BICDL1: variants seen among roughly 807,000 people sequenced by gnomAD.
BICDL1 encodes the protein BICD family-like cargo adapter 1.
In BICDL1, 20 loss-of-function variants were observed where a neutral mutation model predicts 76.8. The observed-to-expected ratio is 0.26, with a 90% CI of 0.18 to 0.38. BICDL1 has a LOEUF of 0.38. Among genes scored for constraint, BICDL1 ranks in the 10% least tolerant of loss-of-function variants. The pLI, the probability that BICDL1 is intolerant of heterozygous loss-of-function variation, is 1.00. For missense variants in BICDL1, 700 were observed against 798.6 expected, an observed-to-expected ratio of 0.88 and a Z score of 1.49; for synonymous variants, 383 against 337.1, an observed-to-expected ratio of 1.14 and a Z score of -1.49.
intron 1 of BICDL1, among the ~76,000 whole-genome samples, chr12:119,991,390 C>T (rs1951520074): frequency 6.6e-6 from 1 of 152,060 alleles, no homozygotes; most frequent in Non-Finnish European, 1.5e-5. Flanking sequence ...TTAAGTATGC[C>T]TATAGTCCAG....
intron 8 of BICDL1, among the ~76,000 whole-genome samples, chr12:120,089,300 GTGT>G (rs1429655460): frequency 4.7e-5 from 6 of 127,582 alleles, no homozygotes; most frequent in East Asian, 2.6e-4. Flanking sequence ...ATGTGTGTGT[GTGT>G]GGGGTGTGAC....
In BICDL1 at chr12:120,094,324, A is replaced by G; in HGVS notation, c.*1163A>G. 4 of 456,778 alleles carry G rather than the reference A, an allele frequency of 8.8e-6. No individual in the cohort carries two copies. The highest frequency in any genetic ancestry group is 1.5e-5 in the South Asian group (1 of 64,574). The allele number at this position is 456,778 out of a possible 1,614,324, so 28.3% of individuals were successfully genotyped here. ...ATGCGCGGCAAGAATGTACCTGTAG[A>G]TGTGTACATACCACAGTGCTGTAAT... On this transcript the variant is annotated 3_prime_UTR_variant, in exon 10 of 10. Coordinates refer to ENST00000548673, the MANE Select transcript of BICDL1 (RefSeq NM_001367886.1).
chr12:120,013,328 A>AT (rs940544481), intron 2 of BICDL1, among the ~76,000 whole-genome samples: 3 of 150,860 alleles, frequency 2.0e-5, no homozygotes, highest in African/African-American at 7.4e-5. Context: ...AAAAAAAAAA[A>AT]TTATAAAGCC....
At chr12:120,085,351 C>A (rs1874319517) in intron 8 of BICDL1, among the ~76,000 whole-genome samples, 1 of 152,054 alleles carries the variant, frequency 6.6e-6, no homozygotes. Flanking sequence ...TTGCAGTAAG[C>A]CAAGATTGCA....
chr12:120,010,585 A>G (rs1353222869), intron 2 of BICDL1, among the ~76,000 whole-genome samples: 1 of 152,220 alleles, frequency 6.6e-6, no homozygotes, highest in Non-Finnish European at 1.5e-5. Context: ...ATAGGTCTCT[A>G]AGAGGTGCCT....
intron 9 of BICDL1, chr12:120,092,168 C>T: frequency 1.0e-6 from 1 of 985,368 alleles, no homozygotes; most frequent in Non-Finnish European, 1.2e-6. Context: ...TACCCAGAGT[C>T]AGAATCTAGC....
chr12:120,062,915 T>C (rs1953137064), intron 3 of BICDL1, among the ~76,000 whole-genome samples: 1 of 152,196 alleles, frequency 6.6e-6, no homozygotes, highest in Non-Finnish European at 1.5e-5. Context: ...TAGACCCTCA[T>C]GAACCGGGTC....
intron 2 of BICDL1, among the ~76,000 whole-genome samples, chr12:120,018,732 AG>A (rs1465974085): frequency 6.6e-6 from 1 of 151,788 alleles, no homozygotes; most frequent in Non-Finnish European, 1.5e-5. Flanking sequence ...TGGGGTTGTT[AG>A]GGTTGTAGAC....
At chr12:120,039,448 A>G (rs1446299935) in intron 2 of BICDL1, among the ~76,000 whole-genome samples, 12 of 148,344 alleles carry the variant, frequency 8.1e-5, no homozygotes, top group African/African-American at 2.0e-4. Flanking sequence ...GTCCAGCCTG[A>G]CCAACATGGT....
intron 2 of BICDL1, among the ~76,000 whole-genome samples, chr12:120,031,681 A>C (rs934692414): frequency 2.6e-5 from 4 of 152,210 alleles, no homozygotes; most frequent in African/African-American, 7.2e-5. Context: ...GAAAGCATAA[A>C]TGGCTTAATC....
At chr12:120,022,852 T>A (rs1952211672) in intron 2 of BICDL1, among the ~76,000 whole-genome samples, 1 of 152,094 alleles carries the variant, frequency 6.6e-6, no homozygotes, top group Non-Finnish European at 1.5e-5. Flanking sequence ...GTACTGTGAA[T>A]CCAGTGAGAC....
At chr12:120,055,959 A>C (rs1033585487) in intron 2 of BICDL1, among the ~76,000 whole-genome samples, 17 of 152,356 alleles carry the variant, frequency 1.1e-4, no homozygotes, top group African/African-American at 4.1e-4. Context: ...ATGGGTGAAC[A>C]AAGATATTTT....
At chr12:120,035,899 T>C (rs981764476) in intron 2 of BICDL1, among the ~76,000 whole-genome samples, 1 of 152,242 alleles carries the variant, frequency 6.6e-6, no homozygotes, top group African/African-American at 2.4e-5. Flanking sequence ...GCTAAGTATA[T>C]GTTCATAAAT....
chr12:120,027,569 C>G (rs1952333412), intron 2 of BICDL1, among the ~76,000 whole-genome samples: 2 of 152,062 alleles, frequency 1.3e-5, no homozygotes, highest in African/African-American at 4.8e-5. Flanking sequence ...GTGATTTGCC[C>G]AAAGTTGATC....
chr12:120,064,856 C>A lies in BICDL1; in HGVS notation c.886C>A (p.Gln296Lys). Reference sequence around the variant, plus strand: ...GGACCGGGTGCTAATCCTGGAGAGGCAGGGCCATGACAAGGACCTACAGGT... The same window carrying A: ...GGACCGGGTGCTAATCCTGGAGAGGAAGGGCCATGACAAGGACCTACAGGT... ...LQDRVLILER[Q>K]GHDKDLQLHQ... The change falls in exon 4 of 10, where the codon CAG (glutamine) becomes AAG (lysine). Residue 296 changes from glutamine to lysine, a missense_variant. Gln to Lys is a moderately conservative substitution (Grantham distance 53). Transcript: ENST00000548673. The A allele has an allele frequency of 6.2e-7, 1 of 1,612,150 alleles. No homozygotes were observed. Among genetic ancestry groups the A allele is most frequent in the South Asian group, 1.1e-5 (1 of 90,894 alleles).
chr12:120,082,076 T>C (rs1405333033), intron 8 of BICDL1, among the ~76,000 whole-genome samples: 2 of 152,190 alleles, frequency 1.3e-5, no homozygotes, highest in Non-Finnish European at 2.9e-5. Context: ...AGCCTACATA[T>C]TCCATTTAAC....
rs755678217 is a variant in BICDL1 at position 119,989,883 on chromosome 12, C to T, written c.15C>T (p.Cys5=). 2.2e-5 allele frequency: 32 copies of T among 1,430,646 alleles called. No homozygotes were observed. In the African/African-American group the frequency reaches 2.9e-4, roughly 13 times the overall value. The allele number at this position is 1,430,646 out of a possible 1,614,324, so 88.6% of individuals were successfully genotyped here. ...GCGCGCGGGCCATGTCCGCTTTCTGCCTGGGCTTGGTCGGCCGCGCTTCAG... is the reference window on the plus strand; with the variant it reads ...GCGCGCGGGCCATGTCCGCTTTCTGTCTGGGCTTGGTCGGCCGCGCTTCAG... MSAF[C]LGLVGRASAP... is the part of the protein sequence containing the mutation. Residue 5 remains cysteine, a synonymous_variant, in exon 1 of 10, where the codon TGC becomes TGT. Coordinates refer to ENST00000548673, the MANE Select transcript of BICDL1 (RefSeq NM_001367886.1).
chr12:120,018,704 A>AG (rs397760712), intron 2 of BICDL1, among the ~76,000 whole-genome samples: 8 of 151,072 alleles, frequency 5.3e-5, no homozygotes, highest in Non-Finnish European at 1.0e-4. Context: ...TAAAAAAAAA[A>AG]TCATACTATA....
rs1951466343 is a variant in BICDL1, at chr12:119,989,496, C to T, written c.-373C>T. On this transcript the variant is annotated 5_prime_UTR_variant, in exon 1 of 10. Transcript: ENST00000548673. ...AGCAGCAGCGGCAGCGGCAACAGGG[C>T]GGCTGAGAACCCGGCGGCGGCGTTC... Among the ~76,000 whole-genome samples the T allele has an allele frequency of 6.9e-6, 1 of 145,092 alleles. No homozygotes were observed. The highest frequency in any genetic ancestry group is 2.5e-5 in the African/African-American group (1 of 39,658).
Sources: gnomAD v4.1 joint callset for allele counts (sites outside exome capture counted in the v4.1 genomes callset) on GRCh38, gnomAD v4.1.1 for gene constraint, MANE v1.5 for transcripts, NCBI Gene and HGNC (gene_info 2026-07-23, HGNC 2026-07-21) for gene names.